Variants in ZFHX3 observed in about 807,000 individuals in gnomAD.
ZFHX3 encodes the protein zinc finger homeobox 3.
ZFHX3 carries 42 observed loss-of-function variants against 279.1 expected under a neutral mutation model. The observed-to-expected ratio is 0.15, with a 90% CI of 0.12 to 0.19. The LOEUF is 0.19. ZFHX3 is among the 10% of genes least tolerant of loss of function. The pLI is 1.00. For missense variants in ZFHX3, 4,981 were observed against 4,754.0 expected, an observed-to-expected ratio of 1.05 and a Z score of -1.40; for synonymous variants, 2,293 against 1,957.8, an observed-to-expected ratio of 1.17 and a Z score of -4.52.
intron 1 of ZFHX3, among the ~76,000 whole-genome samples, chr16:73,053,848 G>A (rs559798462): frequency 2.6e-5 from 4 of 152,096 alleles, no homozygotes; most frequent in Admixed American, 6.5e-5. Flanking sequence ...AAATATGAAC[G>A]GAAATGACGT....
intron 1 of ZFHX3, among the ~76,000 whole-genome samples, chr16:73,000,286 G>A (rs150688646): frequency 0.015 from 2,256 of 152,342 alleles, 18 homozygotes; most frequent in Middle Eastern, 0.031. Flanking sequence ...GGAAGGAGGC[G>A]CCTCTTCTTG....
intron 4 of ZFHX3, among the ~76,000 whole-genome samples, chr16:73,299,912 A>G (rs868149298): frequency 2.6e-5 from 4 of 152,212 alleles, no homozygotes; most frequent in Non-Finnish European, 2.9e-5. Context: ...CTTCTGTGGC[A>G]GAAAGAAAGC....
At chr16:73,796,402 C>T (rs184165045) in intron 1 of ZFHX3, 1 of 152,204 alleles carries the variant, frequency 6.6e-6, no homozygotes, top group African/African-American at 2.4e-5. Flanking sequence ...TTTCTTCTTG[C>T]AGCCCATCAT....
At chr16:73,631,059 G>A (rs929653425) in intron 2 of ZFHX3, among the ~76,000 whole-genome samples, 2 of 152,174 alleles carry the variant, frequency 1.3e-5, no homozygotes, top group African/African-American at 4.8e-5. Context: ...GCAGCGGTAA[G>A]AAACCACAGG....
At chr16:72,912,121 C>G (rs2039333665) in intron 3 of ZFHX3, among the ~76,000 whole-genome samples, 1 of 152,156 alleles carries the variant, frequency 6.6e-6, no homozygotes, top group Non-Finnish European at 1.5e-5. Flanking sequence ...CTGCCTGTAC[C>G]CAGCATGGCC....
chr16:72,907,935 C>T (rs1411349360), intron 3 of ZFHX3, among the ~76,000 whole-genome samples: 2 of 152,062 alleles, frequency 1.3e-5, no homozygotes, highest in Non-Finnish European at 2.9e-5. Flanking sequence ...TCACCTGCCT[C>T]GGCCTCCCAA....
intron 1 of ZFHX3, among the ~76,000 whole-genome samples, chr16:73,031,312 A>T (rs1214049013): frequency 6.6e-6 from 1 of 152,200 alleles, no homozygotes; most frequent in African/African-American, 2.4e-5. Context: ...ACTTCACCAA[A>T]CCCAAATGTT....
chr16:73,651,812 G>C (rs555606060), intron 2 of ZFHX3, among the ~76,000 whole-genome samples: 35 of 144,844 alleles, frequency 2.4e-4, no homozygotes, highest in Non-Finnish European at 3.7e-4. Context: ...CGCAGATCAC[G>C]CCACTGCACT....
intron 2 of ZFHX3, among the ~76,000 whole-genome samples, chr16:73,596,003 T>C (rs2052046068): frequency 8.1e-6 from 1 of 123,190 alleles, no homozygotes; most frequent in Non-Finnish European, 1.5e-5. Flanking sequence ...TTTTATTTTA[T>C]TTTATTTTAT....
rs138209890 is a variant in ZFHX3, at chr16:73,705,208, C to T, written c.-1607-24968G>A. Among the ~76,000 whole-genome samples, 552 of 152,208 alleles carry T rather than the reference C, an allele frequency of 3.6e-3. 1 individual carries two copies. The highest frequency in any genetic ancestry group is 0.012 in the African/African-American group (516 of 41,516). On this transcript the variant is annotated intron_variant, in intron 1 of 17. Transcript: ENST00000641206. ...TGTGTCACTTAATGTTTAATAATGG[C>T]CGTGTTTAGCAACCAATATGCAAAA...
intron 1 of ZFHX3, among the ~76,000 whole-genome samples, chr16:73,728,937 A>T (rs181852307): frequency 2.4e-4 from 36 of 152,168 alleles, no homozygotes; most frequent in Admixed American, 1.0e-3. Flanking sequence ...TGGCACCCAG[A>T]AGTAACCAGC....
intron 1 of ZFHX3, among the ~76,000 whole-genome samples, chr16:73,007,565 G>A (rs1342346900): frequency 1.3e-5 from 2 of 152,074 alleles, no homozygotes; most frequent in Non-Finnish European, 2.9e-5. Context: ...TCCTGCCTCA[G>A]CTTCCCGAGT....
Position 73,116,678 on chromosome 16 carries a change from C to T in ZFHX3, c.-897+14290G>A, listed in dbSNP as rs1966436736. ...CTTTGGGAGGCAGGCTGAAGGTGCT[C>T]TGTTTTCCAGCAAGAAGTCAAAGGA... is the stretch of plus-strand genomic sequence containing the variant. On this transcript the variant is annotated intron_variant, in intron 7 of 17. Transcript: ENST00000641206. Among the ~76,000 whole-genome samples, 3 of 152,166 alleles carry T rather than the reference C, an allele frequency of 2.0e-5. No homozygotes were observed. The South Asian group carries it at 6.2e-4, about 32-fold the overall frequency.
intron 3 of ZFHX3, among the ~76,000 whole-genome samples, chr16:73,423,518 A>G (rs111906250): frequency 1.6e-3 from 244 of 152,246 alleles, no homozygotes; most frequent in African/African-American, 5.2e-3. Flanking sequence ...ATTTGTCCCA[A>G]TGGAAGGAAA....
intron 5 of ZFHX3, among the ~76,000 whole-genome samples, chr16:73,179,244 T>G (rs1212198715): frequency 6.6e-6 from 1 of 152,220 alleles, no homozygotes; most frequent in African/African-American, 2.4e-5. Context: ...TTTACTTCAT[T>G]GAGATCTTTT....
At position 72,959,615 on chromosome 16, in the gene ZFHX3, C is replaced by A. The variant is rs371450484; in HGVS notation, c.531G>T (p.Ala177=). The stretch of plus-strand genomic sequence containing the variant: ...ACGAAGGGTCCCCTTGCTTGCCCCC[C>A]GCGCCAGGGAGAGAGTTCAGGAAAA... ...PSLFLNSLPG[A]GGKQGDPSCA... The change falls in exon 2 of 10, where the codon GCG becomes GCT. Residue 177 remains alanine, a synonymous_variant. Transcript: ENST00000268489. The A allele has an allele frequency of 1.9e-5, 31 of 1,613,994 alleles. No individual in the cohort carries two copies. The highest frequency in any genetic ancestry group is 2.5e-5 in the Non-Finnish European group (30 of 1,180,034).
At chr16:73,040,615 G>C (rs369916529) in intron 1 of ZFHX3, among the ~76,000 whole-genome samples, 11 of 152,156 alleles carry the variant, frequency 7.2e-5, no homozygotes, top group Non-Finnish European at 1.3e-4. Context: ...TTCTGAACAC[G>C]GTTGCAAAGA....
intron 3 of ZFHX3, among the ~76,000 whole-genome samples, chr16:72,894,148 CAA>C (rs11340955): frequency 0.014 from 1,711 of 124,766 alleles, 17 homozygotes; most frequent in South Asian, 0.049. Context: ...AACTCTGTCT[CAA>C]AAAAAAAAAA....
rs1362666257 is a variant in ZFHX3 at position 73,682,878 on chromosome 16, G to GAAAGA, written c.-1607-2643_-1607-2639dup. Among the ~76,000 whole-genome samples, 189 of 29,406 alleles carry GAAAGA rather than the reference G, an allele frequency of 6.4e-3. 10 individuals are homozygous for GAAAGA. The highest frequency in any genetic ancestry group is 0.018 in the African/African-American group (183 of 10,358). The allele number at this position is 29,406 out of a possible 152,430, so 19.3% of individuals were successfully genotyped here. On this transcript the variant is annotated intron_variant, in intron 1 of 17. Transcript: ENST00000641206. ...AGAAAGAAAGAAAGAAAGAAAGAAA[G>GAAAGA]AAAGAAAGAAAGAAAGAAAGAAAGA...
Sources: gnomAD v4.1 joint callset for allele counts (sites outside exome capture counted in the v4.1 genomes callset) on GRCh38, gnomAD v4.1.1 for gene constraint, MANE v1.5 for transcripts, NCBI Gene and HGNC (gene_info 2026-07-23, HGNC 2026-07-21) for gene names.